Variants in BIRC2 observed in about 807,000 individuals in gnomAD.
The protein encoded by BIRC2 is baculoviral IAP repeat containing 2, also known as baculoviral IAP repeat-containing protein 2.
In BIRC2, 18 loss-of-function variants were observed where a neutral mutation model predicts 60.9. That is an observed-to-expected ratio of 0.30 (90% confidence interval 0.20 to 0.44). The LOEUF is 0.44. Among genes scored for constraint, BIRC2 ranks in the 20% least tolerant of loss-of-function variants. BIRC2 has a pLI of 1.00. For synonymous variants in BIRC2, 282 were observed against 247.7 expected (o/e 1.14, Z -1.30); for missense variants, 701 against 728.5 (o/e 0.96, Z 0.43).
rs1951737771 is a variant in BIRC2, at chr11:102,378,365, C to T, written c.*182C>T. The T allele has an allele frequency of 3.9e-6, 2 of 515,084 alleles. No individual in the cohort carries two copies. Among genetic ancestry groups the T allele is most frequent in the East Asian group, 3.2e-5 (1 of 30,784 alleles). 31.9% of individuals were successfully genotyped at this position (515,084 alleles called of 1,614,324 possible). The stretch of plus-strand genomic sequence containing the variant: ...ATGGTATCATATATTTAATCTTAAT[C>T]TGTTTATTTACAAGGGAAGATTTAT... On this transcript the variant is annotated 3_prime_UTR_variant, in exon 9 of 9. Transcript: ENST00000227758.
chr11:102,375,611 T>C (rs1048081830), intron 6 of BIRC2, among the ~76,000 whole-genome samples: 3 of 152,110 alleles, frequency 2.0e-5, no homozygotes, highest in African/African-American at 7.2e-5. Context: ...AAACCCCGTC[T>C]TGACTAAAAA....
chr11:102,374,831 T>C (rs1038916639), intron 6 of BIRC2, among the ~76,000 whole-genome samples: 2 of 152,216 alleles, frequency 1.3e-5, no homozygotes, highest in African/African-American at 2.4e-5. Context: ...TCCGTGGGCG[T>C]AGGACCCTCC....
At chr11:102,376,028 G>A (rs1332462519) in intron 6 of BIRC2, among the ~76,000 whole-genome samples, 1 of 151,870 alleles carries the variant, frequency 6.6e-6, no homozygotes, top group African/African-American at 2.4e-5. Flanking sequence ...GAAAGAAAGG[G>A]CCTAAGAAAA....
intron 6 of BIRC2, among the ~76,000 whole-genome samples, chr11:102,375,598 A>G (rs1565339710): frequency 6.6e-6 from 1 of 152,030 alleles, no homozygotes; most frequent in Non-Finnish European, 1.5e-5. Flanking sequence ...GGCTAACACG[A>G]TGAAACCCCG....
chr11:102,357,213 C>T (rs1951432623), intron 3 of BIRC2, among the ~76,000 whole-genome samples: 1 of 151,992 alleles, frequency 6.6e-6, no homozygotes, highest in Admixed American at 6.6e-5. Context: ...CAGAGTAATG[C>T]TTGGCTTCAT....
At position 102,377,809 on chromosome 11, in the gene BIRC2, C is replaced by T. The variant is rs538503607; in HGVS notation, c.1622-48C>T. 5.0e-6 allele frequency: 8 copies of T among 1,593,598 alleles called. No individual in the cohort carries two copies. In the East Asian group the frequency reaches 1.6e-4, roughly 31 times the overall value. On this transcript the variant is annotated intron_variant, in intron 7 of 8. Coordinates refer to ENST00000227758, the MANE Select transcript of BIRC2 (RefSeq NM_001166.5). ...TTAGGACTGGCCAGATGCGGTGGCT[C>T]AGTTTTGTATTTAGTAGAGTAATGG... is the stretch of plus-strand genomic sequence containing the variant.
chr11:102,372,945 C>T (rs1430866496), intron 6 of BIRC2, among the ~76,000 whole-genome samples: 1 of 150,872 alleles, frequency 6.6e-6, no homozygotes, highest in African/African-American at 2.4e-5. Context: ...CTCTTTTGAT[C>T]TTTGTTGGTT....
At position 102,347,284 on chromosome 11, in the gene BIRC2, G is replaced by C. The variant is rs1269951521; in HGVS notation, c.-1350G>C. On this transcript the variant is annotated 5_prime_UTR_variant, in exon 1 of 9. Transcript: ENST00000227758. ...CGCCCGGGCTGATCCGAGCCGAGCG[G>C]GCCGTATCTCCTTGTCGGCGCCGCT... 2.0e-5 allele frequency: 3 copies of C among 152,326 alleles called. No individual in the cohort carries two copies. The highest frequency in any genetic ancestry group is 2.0e-4 in the Admixed American group (3 of 15,278). 9.4% of individuals were successfully genotyped at this position (152,326 alleles called of 1,614,324 possible). A position where few individuals can be genotyped will look rare whatever the true frequency, so the allele number is the denominator to read the frequency against.
In BIRC2 at chr11:102,350,266, T is replaced by G; in HGVS notation, c.412T>G (p.Ser138Ala). The G allele has an allele frequency of 6.2e-7, 1 of 1,614,246 alleles. No individual in the cohort carries two copies. Among genetic ancestry groups the G allele is most frequent in the African/African-American group, 1.3e-5 (1 of 75,066 alleles). ...TCCAATGAGAAACAGTTTTGCACATTCATTATCTCCCACCTTGGAACATAG... is the reference window on the plus strand; with the variant it reads ...TCCAATGAGAAACAGTTTTGCACATGCATTATCTCCCACCTTGGAACATAG... ...TSPMRNSFAH[S>A]LSPTLEHSSL... is the part of the protein sequence containing the mutation. The change falls in exon 2 of 9, where the codon TCA (serine) becomes GCA (alanine). Residue 138 changes from serine (S) to alanine (A), a missense_variant. By Grantham distance (99) the Ser-to-Ala change is moderately conservative. Coordinates refer to ENST00000227758, the MANE Select transcript of BIRC2 (RefSeq NM_001166.5).
chr11:102,360,721 G>C (rs1565334293), intron 3 of BIRC2, among the ~76,000 whole-genome samples: 1 of 142,858 alleles, frequency 7.0e-6, no homozygotes, highest in African/African-American at 2.6e-5. Context: ...TTGTGGCCTT[G>C]TGTTATCTGT....
rs80272262 is a variant in BIRC2, at chr11:102,375,374, T to G, written c.1367-2122T>G. Among the ~76,000 whole-genome samples the G allele has an allele frequency of 4.7e-3, 710 of 152,342 alleles. 10 individuals are homozygous for G. Among genetic ancestry groups the G allele is most frequent in the African/African-American group, 0.016 (660 of 41,584 alleles). ...TGGAGTATTGCGTTGGAAGATGCTT[T>G]CTTTTTAAGCTTGTAAGTAAAGACA... On this transcript the variant is annotated intron_variant, in intron 6 of 8. Coordinates refer to ENST00000227758, the MANE Select transcript of BIRC2 (RefSeq NM_001166.5).
chr11:102,358,700 G>T (rs1271477097), intron 3 of BIRC2, among the ~76,000 whole-genome samples: 4 of 152,042 alleles, frequency 2.6e-5, no homozygotes, highest in African/African-American at 9.7e-5. Flanking sequence ...TTGTGGAATT[G>T]GCCCCTTTCT....
rs781738757 is a variant in BIRC2, at chr11:102,349,962, A to G, written c.108A>G (p.Lys36=). ...TILSDWTNSN[K]QKMKYDFSCE... is the part of the protein sequence containing the mutation. ...TGTCAGATTGGACAAACAGCAACAAACAAAAAATGAAGTATGACTTTTCCT... is the reference window on the plus strand; with the variant it reads ...TGTCAGATTGGACAAACAGCAACAAGCAAAAAATGAAGTATGACTTTTCCT... Residue 36 remains lysine, a synonymous_variant, in exon 2 of 9, where the codon AAA becomes AAG. Transcript: ENST00000227758. 6.2e-7 allele frequency: 1 copy of G among 1,614,210 alleles called. No individual in the cohort carries two copies. The highest frequency in any genetic ancestry group is 8.5e-7 in the Non-Finnish European group (1 of 1,180,036).
At chr11:102,364,184 C>CAG (rs1951525229) in intron 5 of BIRC2, among the ~76,000 whole-genome samples, 9 of 104,034 alleles carry the variant, frequency 8.7e-5, no homozygotes, top group Non-Finnish European at 1.5e-4. Flanking sequence ...TACACACACA[C>CAG]ACAGAGAGAG....
Position 102,368,519 on chromosome 11 carries a change from A to C in BIRC2, c.1337A>C (p.Lys446Thr), listed in dbSNP as rs140818148. 7 of 1,613,574 alleles carry C rather than the reference A, an allele frequency of 4.3e-6. No individual in the cohort carries two copies. In the South Asian group the frequency reaches 7.7e-5, roughly 18 times the overall value. ...GAAGATGAAAAAAGAGAAGAGGAGAAGGAAAAACAAGCTGAAGAAATGGCA... is the reference window on the plus strand; with the variant it reads ...GAAGATGAAAAAAGAGAAGAGGAGACGGAAAAACAAGCTGAAGAAATGGCA... ...NAEDEKREEE[K>T]EKQAEEMASD... is the part of the protein sequence containing the mutation. The change falls in exon 6 of 9, where the codon AAG becomes ACG. Residue 446 changes from lysine to threonine, a missense_variant. Lys to Thr is a moderately conservative substitution (Grantham distance 78). Transcript: ENST00000227758.
At chr11:102,361,182 T>C (rs1211932965) in intron 3 of BIRC2, among the ~76,000 whole-genome samples, 1 of 151,942 alleles carries the variant, frequency 6.6e-6, no homozygotes, top group Non-Finnish European at 1.5e-5. Flanking sequence ...AGGTTTGGAG[T>C]GCAAGTGTTT....
In BIRC2 at chr11:102,363,612, T is replaced by C. The variant is rs1951509863; in HGVS notation, c.1075-56T>C. ...AGTAAGCTTATTTTAGTGTTGTTCT[T>C]TTCAGATTGTTGGGGATATCTGCTT... is the stretch of plus-strand genomic sequence containing the variant. On this transcript the variant is annotated intron_variant, in intron 4 of 8. Coordinates refer to ENST00000227758, the MANE Select transcript of BIRC2 (RefSeq NM_001166.5). The C allele has an allele frequency of 2.2e-6, 3 of 1,365,284 alleles. No individual in the cohort carries two copies. The Admixed American group carries it at 5.2e-5, about 24-fold the overall frequency. 84.6% of individuals were successfully genotyped at this position (1,365,284 alleles called of 1,614,324 possible). A position where few individuals can be genotyped will look rare whatever the true frequency, so the allele number is the denominator to read the frequency against.
chr11:102,367,623 C>A (rs1337956901), intron 5 of BIRC2, among the ~76,000 whole-genome samples: 1 of 152,124 alleles, frequency 6.6e-6, no homozygotes, highest in East Asian at 1.9e-4. Flanking sequence ...GCAGAAAATG[C>A]TTCCCTGACT....
At chr11:102,372,295 T>C (rs1483091953) in intron 6 of BIRC2, among the ~76,000 whole-genome samples, 1 of 152,240 alleles carries the variant, frequency 6.6e-6, no homozygotes, top group Non-Finnish European at 1.5e-5. Flanking sequence ...TGCTTTCTCT[T>C]GAGGGCATTT....
Sources: gnomAD v4.1 joint callset for allele counts (sites outside exome capture counted in the v4.1 genomes callset) on GRCh38, gnomAD v4.1.1 for gene constraint, MANE v1.5 for transcripts, NCBI Gene and HGNC (gene_info 2026-07-23, HGNC 2026-07-21) for gene names.